MYO5C: variants seen among roughly 807,000 people sequenced by gnomAD.
MYO5C encodes myosin VC, also known as unconventional myosin-Vc.
In MYO5C, 194 loss-of-function variants were observed where a neutral mutation model predicts 235.7. The ratio of observed to expected loss-of-function variants is 0.82; its 90% confidence interval spans 0.73 to 0.93. The LOEUF (loss-of-function observed/expected upper bound fraction) is 0.93. MYO5C is among the 40% of genes least tolerant of loss of function. The pLI is 0.00. For missense variants in MYO5C, 2,038 were observed against 2,127.2 expected, an observed-to-expected ratio of 0.96 and a Z score of 0.82; for synonymous variants, 707 against 754.8, an observed-to-expected ratio of 0.94 and a Z score of 1.04.
rs528082626 is a variant in MYO5C, at chr15:52,295,738, A to G, written c.-102T>C. The G allele has an allele frequency of 1.3e-6, 1 of 795,468 alleles. No homozygotes were observed. The highest frequency in any genetic ancestry group is 3.0e-5 in the South Asian group (1 of 33,856). 49.3% of individuals were successfully genotyped at this position (795,468 alleles called of 1,614,324 possible). A position where few individuals can be genotyped will look rare whatever the true frequency, so the allele number is the denominator to read the frequency against. On this transcript the variant is annotated 5_prime_UTR_variant, in exon 1 of 41. Coordinates refer to ENST00000261839, the MANE Select transcript of MYO5C (RefSeq NM_018728.4). ...GGGCGCAGGAGAGACCGCCGCGGAA[A>G]TCACCGCCGGGCCATCTTGCCCAAA...
chr15:52,219,709 A>G (rs765058256), intron 31 of MYO5C, 50 bp downstream of exon 31: 16 of 1,437,238 alleles, frequency 1.1e-5, no homozygotes, highest in Non-Finnish European at 1.5e-5. Context: ...ACAGTTTCAG[A>G]AAAGCATTAC....
chr15:52,284,864 G>C (rs1242950331), intron 1 of MYO5C, among the ~76,000 whole-genome samples: 1 of 149,944 alleles, frequency 6.7e-6, no homozygotes, highest in Non-Finnish European at 1.5e-5. Flanking sequence ...TTAAGAGACA[G>C]GATCTAGTTT....
At chr15:52,199,702 C>G (rs537625611) in intron 38 of MYO5C, among the ~76,000 whole-genome samples, 2 of 152,248 alleles carry the variant, frequency 1.3e-5, no homozygotes, top group South Asian at 2.1e-4. Flanking sequence ...CTCTCATGCT[C>G]AAGTTCCAAT....
At chr15:52,228,099 A>C (rs1713801959) in intron 25 of MYO5C, among the ~76,000 whole-genome samples, 1 of 152,140 alleles carries the variant, frequency 6.6e-6, no homozygotes, top group South Asian at 2.1e-4. Flanking sequence ...CATTTTATTA[A>C]ATTGCCCAGG....
rs149585965 is a variant in MYO5C at position 52,219,953 on chromosome 15, T to C, written c.3722-131A>G. 1,677 of 639,796 alleles carry C rather than the reference T, an allele frequency of 2.6e-3. 20 individuals carry two copies. The highest frequency in any genetic ancestry group is 0.022 in the Admixed American group (800 of 36,116). 39.6% of individuals were successfully genotyped at this position (639,796 alleles called of 1,614,324 possible). ...CCGATCTTTTGGCTTCTCTGGCCCA[T>C]ATTGGAAGAAGAATTGTCTTGGGCC... On this transcript the variant is annotated intron_variant, in intron 30 of 40. Transcript: ENST00000261839.
chr15:52,275,023 G>A (rs1374578009), intron 5 of MYO5C, among the ~76,000 whole-genome samples: 1 of 152,176 alleles, frequency 6.6e-6, no homozygotes, highest in African/African-American at 2.4e-5. Context: ...ACCCCCCTGG[G>A]CACCGTCACG....
intron 35 of MYO5C, among the ~76,000 whole-genome samples, chr15:52,210,223 C>A (rs1275999981): frequency 2.0e-5 from 3 of 152,130 alleles, no homozygotes; most frequent in African/African-American, 7.2e-5. Flanking sequence ...CTCAGCCTCC[C>A]AAAGTGCTGG....
chr15:52,290,674 G>A (rs1262180026), intron 1 of MYO5C, among the ~76,000 whole-genome samples: 5 of 148,630 alleles, frequency 3.4e-5, no homozygotes, highest in East Asian at 2.0e-4. Context: ...GAGCTCTACC[G>A]CCTCCCCTTT....
Position 52,214,596 on chromosome 15 carries a change from T to G in MYO5C, c.4042+7A>C, listed in dbSNP as rs772450762. The G allele has an allele frequency of 1.9e-6, 3 of 1,587,250 alleles. No homozygotes were observed. Among genetic ancestry groups the G allele is most frequent in the African/African-American group, 2.7e-5 (2 of 73,970 alleles). On this transcript the variant is annotated splice_region_variant and intron_variant, in intron 33 of 40. Coordinates refer to ENST00000261839, the MANE Select transcript of MYO5C (RefSeq NM_018728.4). ...AAAAGAATAAGAAAACAAGTATTGT[T>G]TCTTACCTTTTCCAATTGTCTTGCT... is the stretch of plus-strand genomic sequence containing the variant.
intron 30 of MYO5C, among the ~76,000 whole-genome samples, chr15:52,220,864 T>C (rs1425453415): frequency 1.3e-5 from 2 of 151,912 alleles, no homozygotes; most frequent in Admixed American, 6.6e-5. Flanking sequence ...AGATGAGGTT[T>C]CATCATATTG....
chr15:52,251,107 A>G (rs2036463869), intron 13 of MYO5C: 1 of 221,230 alleles, frequency 4.5e-6, no homozygotes, highest in Admixed American at 5.8e-5. Flanking sequence ...TCACAATTTC[A>G]TATAGAAAAT....
intron 4 of MYO5C, 58 bp downstream of exon 4, chr15:52,278,815 T>C: frequency 6.3e-7 from 1 of 1,594,468 alleles, no homozygotes; most frequent in East Asian, 2.2e-5. Context: ...TGTGATGGTC[T>C]GGCAAATGCA....
At chr15:52,285,061 G>A (rs2037232230) in intron 1 of MYO5C, among the ~76,000 whole-genome samples, 1 of 151,940 alleles carries the variant, frequency 6.6e-6, no homozygotes, top group African/African-American at 2.4e-5. Flanking sequence ...AAATGCTGGA[G>A]GAAATAAAGA....
At chr15:52,225,954 G>A (rs2035812752) in intron 25 of MYO5C, among the ~76,000 whole-genome samples, 1 of 152,066 alleles carries the variant, frequency 6.6e-6, no homozygotes, top group Non-Finnish European at 1.5e-5. Context: ...GGAGGCTGAG[G>A]CAGGAGAATC....
chr15:52,245,731 C>G (rs1043024435), intron 17 of MYO5C, among the ~76,000 whole-genome samples: 5 of 152,240 alleles, frequency 3.3e-5, no homozygotes, highest in Admixed American at 3.3e-4. Flanking sequence ...CCACCACCAG[C>G]AGCCGAGATG....
intron 11 of MYO5C, among the ~76,000 whole-genome samples, chr15:52,253,955 G>A (rs4776030): frequency 0.76 from 112,568 of 148,942 alleles, 45,494 homozygotes; most frequent in Non-Finnish European, 0.91. Context: ...TTACCATGGA[G>A]GATGAAAGAA....
At chr15:52,271,632 C>G in intron 7 of MYO5C, 131 bp downstream of exon 7, 1 of 519,466 alleles carries the variant, frequency 1.9e-6, no homozygotes, top group Non-Finnish European at 3.3e-6. Flanking sequence ...CCAATTCTGT[C>G]CCTGAAACCA....
chr15:52,231,930 G>T (rs1218820575), intron 24 of MYO5C, among the ~76,000 whole-genome samples: 1 of 152,142 alleles, frequency 6.6e-6, no homozygotes, highest in Non-Finnish European at 1.5e-5. Flanking sequence ...TTTCTGTGAG[G>T]TCCATTACTT....
At chr15:52,197,205 T>C (rs896844717) in intron 38 of MYO5C, among the ~76,000 whole-genome samples, 1 of 152,236 alleles carries the variant, frequency 6.6e-6, no homozygotes, top group African/African-American at 2.4e-5. Flanking sequence ...AGCAGCATTA[T>C]TCATAATAGC....
Sources: gnomAD v4.1 joint callset for allele counts (sites outside exome capture counted in the v4.1 genomes callset) on GRCh38, gnomAD v4.1.1 for gene constraint, MANE v1.5 for transcripts, NCBI Gene and HGNC (gene_info 2026-07-23, HGNC 2026-07-21) for gene names.